SRGAP2: variants seen among roughly 807,000 people sequenced by gnomAD.
SRGAP2 encodes the protein SLIT-ROBO Rho GTPase-activating protein 2.
SRGAP2 carries 15 observed loss-of-function variants against 57.2 expected under a neutral mutation model. That is an observed-to-expected ratio of 0.26 (90% CI 0.18 to 0.40). The LOEUF (loss-of-function observed/expected upper bound fraction) is 0.40, where lower values mean the gene tolerates loss of function less well. Among genes scored for constraint, SRGAP2 ranks in the 10% least tolerant of loss-of-function variants. SRGAP2 has a pLI of 1.00. For missense variants in SRGAP2, 520 were observed against 669.6 expected (o/e 0.78, Z 2.47); for synonymous variants, 249 against 248.0 (o/e 1.00, Z -0.04).
chr1:206,248,503 C>T (rs1668634974), intron 2 of SRGAP2, among the ~76,000 whole-genome samples: 1 of 152,068 alleles, frequency 6.6e-6, no homozygotes, highest in African/African-American at 2.4e-5. Flanking sequence ...ATGTCGAGTA[C>T]CAGATGCTTT....
At chr1:206,448,844 C>T (rs1553374759) in intron 18 of SRGAP2, among the ~76,000 whole-genome samples, 2 of 152,060 alleles carry the variant, frequency 1.3e-5, no homozygotes, top group Non-Finnish European at 2.9e-5. Context: ...AGAAATTGTG[C>T]CTACATTTTT....
chr1:206,365,468 T>C (rs543235454), intron 4 of SRGAP2, among the ~76,000 whole-genome samples: 1 of 152,086 alleles, frequency 6.6e-6, no homozygotes, highest in African/African-American at 2.4e-5. Flanking sequence ...CGGGAGGTCA[T>C]GACAGTTGGA....
chr1:206,249,178 A>G (rs1271382109), intron 2 of SRGAP2, among the ~76,000 whole-genome samples: 1 of 150,004 alleles, frequency 6.7e-6, no homozygotes, highest in Non-Finnish European at 1.5e-5. Context: ...CATTCTTCCC[A>G]TAGTGTCTGC....
chr1:206,418,187 C>T (rs1553362743), intron 11 of SRGAP2, among the ~76,000 whole-genome samples: 1 of 152,082 alleles, frequency 6.6e-6, no homozygotes, highest in Non-Finnish European at 1.5e-5. Flanking sequence ...GATGCAGGAG[C>T]CCCTTGTTCT....
chr1:206,447,038 T>C (rs893353878), intron 18 of SRGAP2, among the ~76,000 whole-genome samples: 10 of 152,164 alleles, frequency 6.6e-5, no homozygotes, highest in Non-Finnish European at 2.9e-5. Flanking sequence ...TGATGGGAAT[T>C]TAACCCCAAT....
At chr1:206,237,516 C>T (rs1479220074) in intron 2 of SRGAP2, among the ~76,000 whole-genome samples, 2 of 152,046 alleles carry the variant, frequency 1.3e-5, no homozygotes, top group African/African-American at 2.4e-5. Context: ...TTAAGCTCCA[C>T]CACTACAACC....
intron 17 of SRGAP2, among the ~76,000 whole-genome samples, chr1:206,443,374 TTTTG>T (rs1241760962): frequency 1.7e-4 from 26 of 151,370 alleles, no homozygotes; most frequent in Admixed American, 1.4e-3. Flanking sequence ...GTTTGTTTGT[TTTTG>T]TTTGTTTGTT....
intron 21 of SRGAP2, among the ~76,000 whole-genome samples, chr1:206,457,219 A>G (rs1663913944): frequency 6.6e-6 from 1 of 152,126 alleles, no homozygotes; most frequent in South Asian, 2.1e-4. Flanking sequence ...GGAAATCAGC[A>G]AAGAGCTATT....
At chr1:206,457,984 C>T (rs963793555) in intron 21 of SRGAP2, among the ~76,000 whole-genome samples, 3 of 152,168 alleles carry the variant, frequency 2.0e-5, no homozygotes, top group Non-Finnish European at 4.4e-5. Context: ...GAAACAAATT[C>T]GCCCAGATCC....
At chr1:206,436,684 G>A (rs1553370144) in intron 14 of SRGAP2, among the ~76,000 whole-genome samples, 1 of 152,114 alleles carries the variant, frequency 6.6e-6, no homozygotes, top group East Asian at 1.9e-4. Context: ...CTTTACAGAT[G>A]GGAAAAGAGA....
intron 4 of SRGAP2, among the ~76,000 whole-genome samples, chr1:206,369,824 G>C (rs1553342278): frequency 6.6e-6 from 1 of 152,184 alleles, no homozygotes; most frequent in African/African-American, 2.4e-5. Context: ...AAATGGTGCA[G>C]ATGCTATGGA....
rs368482017 is a variant in SRGAP2 at position 206,446,317 on chromosome 1, G to T, written c.2099+18G>T. On this transcript the variant is annotated intron_variant, in intron 18 of 22. Transcript: ENST00000573034. ...GATTACTGGTAGGGGGGCTTGGGAC[G>T]GGAGGAGGGGAGGGATTCACTAGCA... is the stretch of plus-strand genomic sequence containing the variant. 1.0e-5 allele frequency: 8 copies of T among 779,970 alleles called. No homozygotes were observed. Among genetic ancestry groups the T allele is most frequent in the South Asian group, 9.4e-5 (7 of 74,578 alleles). The allele number at this position is 779,970 out of a possible 1,614,324, so 48.3% of individuals were successfully genotyped here. A position where few individuals can be genotyped will look rare whatever the true frequency, so the allele number is the denominator to read the frequency against.
intron 4 of SRGAP2, among the ~76,000 whole-genome samples, chr1:206,378,549 T>G (rs565799668): frequency 1.3e-5 from 2 of 152,250 alleles, no homozygotes; most frequent in African/African-American, 4.8e-5. Context: ...GGACAGCACA[T>G]AAGTAGAGGT....
chr1:206,221,946 C>CT (rs782815485), intron 2 of SRGAP2, among the ~76,000 whole-genome samples: 34 of 35,262 alleles, frequency 9.6e-4, no homozygotes, highest in African/African-American at 4.0e-3. Flanking sequence ...GATATCCGGC[C>CT]TTTTTTTTTT....
rs1380610294 is a variant in SRGAP2 at position 206,440,145 on chromosome 1, T to C, written c.1874+64T>C. On this transcript the variant is annotated intron_variant, in intron 17 of 22. Transcript: ENST00000573034. ...GGCTTGGGCACTGGAAGTTCCTCTA[T>C]GGACCTATGCCTATTCATCCATCCC... 60 of 755,638 alleles carry C rather than the reference T, an allele frequency of 7.9e-5. No individual in the cohort carries two copies. In the Admixed American group the frequency reaches 1.1e-3, roughly 14 times the overall value. 46.8% of individuals were successfully genotyped at this position (755,638 alleles called of 1,614,324 possible).
chr1:206,443,663 C>T (rs1662506613), intron 17 of SRGAP2, among the ~76,000 whole-genome samples: 1 of 152,144 alleles, frequency 6.6e-6, no homozygotes, highest in African/African-American at 2.4e-5. Context: ...AGGCATGAGC[C>T]TGTAATTACA....
chr1:206,267,239 A>G (rs1400587972), intron 2 of SRGAP2, among the ~76,000 whole-genome samples: 28 of 152,328 alleles, frequency 1.8e-4, no homozygotes, highest in African/African-American at 5.8e-4. Context: ...AAGTGCTGGG[A>G]TTACAGGCAT....
At chr1:206,415,770 G>A (rs1659649007) in intron 10 of SRGAP2, 119 bp from the exon 11 acceptor site, 1 of 688,554 alleles carries the variant, frequency 1.5e-6, no homozygotes, top group Admixed American at 2.1e-5. Context: ...ATTGACTGGT[G>A]GAAATTGGGT....
intron 10 of SRGAP2, among the ~76,000 whole-genome samples, chr1:206,410,792 A>G (rs782563172): frequency 6.6e-6 from 1 of 152,158 alleles, no homozygotes; most frequent in Admixed American, 6.5e-5. Flanking sequence ...TTCCCTCCTC[A>G]TAGGCAGTGA....
Sources: gnomAD v4.1 joint callset for allele counts (sites outside exome capture counted in the v4.1 genomes callset) on GRCh38, gnomAD v4.1.1 for gene constraint, MANE v1.5 for transcripts, NCBI Gene and HGNC (gene_info 2026-07-23, HGNC 2026-07-21) for gene names.